The following TGFBR3 variants were observed in gnomAD, a reference collection of about 807,000 sequenced individuals.
The protein encoded by TGFBR3 is transforming growth factor beta receptor 3.
A neutral mutation model predicts 87.9 loss-of-function variants in TGFBR3; 46 were observed. That is an observed-to-expected ratio of 0.52 (90% CI 0.41 to 0.67). The LOEUF is 0.67. Among genes scored for constraint, TGFBR3 ranks in the 30% least tolerant of loss-of-function variants. The pLI is 0.00. For missense variants in TGFBR3, 866 were observed against 1,041.9 expected, an observed-to-expected ratio of 0.83 and a Z score of 2.32; for synonymous variants, 381 against 391.6, an observed-to-expected ratio of 0.97 and a Z score of 0.32.
At chr1:91,707,539 C>G (rs1671835495) in intron 14 of TGFBR3, among the ~76,000 whole-genome samples, 1 of 152,222 alleles carries the variant, frequency 6.6e-6, no homozygotes. Flanking sequence ...AACCCTAGAT[C>G]TGGTGTCAGC....
intron 2 of TGFBR3, among the ~76,000 whole-genome samples, chr1:91,816,507 T>C (rs898795462): frequency 7.9e-5 from 12 of 152,240 alleles, no homozygotes; most frequent in African/African-American, 4.8e-5. Flanking sequence ...TTTGTATCTA[T>C]GGTACACAGC....
chr1:91,808,115 A>C lies in TGFBR3; in HGVS notation c.62-10644T>G, dbSNP rs200284327. Among the ~76,000 whole-genome samples, 12 of 152,270 alleles carry C rather than the reference A, an allele frequency of 7.9e-5. No homozygotes were observed. In the East Asian group the frequency reaches 2.3e-3, roughly 29 times the overall value. On this transcript the variant is annotated intron_variant, in intron 2 of 16. Coordinates refer to ENST00000212355, the MANE Select transcript of TGFBR3 (RefSeq NM_003243.5). ...CCCAGAAATTATTTCTATGAATTGC[A>C]CTGGAAAGACTTAAAATAAAACTAC...
chr1:91,704,109 T>C (rs906518158), intron 14 of TGFBR3, among the ~76,000 whole-genome samples: 5 of 151,922 alleles, frequency 3.3e-5, no homozygotes, highest in Non-Finnish European at 4.4e-5. Flanking sequence ...GGATGGATCA[T>C]CTCAGGTCAG....
Position 91,683,715 on chromosome 1 carries a change from TG to T in TGFBR3, c.*23del. 1 of 1,488,640 alleles carries T rather than the reference TG, an allele frequency of 6.7e-7. No homozygotes were observed. Among genetic ancestry groups the T allele is most frequent in the Non-Finnish European group, 9.0e-7 (1 of 1,114,768 alleles). 92.2% of individuals were successfully genotyped at this position (1,488,640 alleles called of 1,614,324 possible). On this transcript the variant is annotated 3_prime_UTR_variant, in exon 17 of 17. Coordinates refer to ENST00000212355, the MANE Select transcript of TGFBR3 (RefSeq NM_003243.5). ...TGAGCTGAGCTGGGCTGGGCTGGGT[TG>T]GGCCGGGTTGGGCTGGGTTGGGCTA...
At chr1:91,689,362 G>A (rs528704836) in intron 16 of TGFBR3, among the ~76,000 whole-genome samples, 4 of 152,144 alleles carry the variant, frequency 2.6e-5, no homozygotes, top group African/African-American at 9.7e-5. Context: ...TAATCAGTCT[G>A]TTTGGTTATT....
intron 16 of TGFBR3, among the ~76,000 whole-genome samples, chr1:91,686,297 G>A (rs1430706491): frequency 6.6e-6 from 1 of 152,068 alleles, no homozygotes. Context: ...TCAACTTCCC[G>A]AGTTTTGGGA....
At chr1:91,821,127 C>T (rs1045427630) in intron 2 of TGFBR3, among the ~76,000 whole-genome samples, 1 of 151,972 alleles carries the variant, frequency 6.6e-6, no homozygotes, top group Admixed American at 6.5e-5. Context: ...GTCAGGGGTT[C>T]GAGAGCAACC....
At chr1:91,799,418 A>C (rs1344561055) in intron 2 of TGFBR3, among the ~76,000 whole-genome samples, 1 of 152,198 alleles carries the variant, frequency 6.6e-6, no homozygotes, top group Non-Finnish European at 1.5e-5. Context: ...CGGGGAAACC[A>C]TATGGGCAGG....
chr1:91,894,010 A>T (rs1570344735), intron 2 of TGFBR3, among the ~76,000 whole-genome samples: 1 of 150,942 alleles, frequency 6.6e-6, no homozygotes, highest in Non-Finnish European at 1.5e-5. Flanking sequence ...TGGGTGGATC[A>T]CTCTACAGGA....
intron 12 of TGFBR3, among the ~76,000 whole-genome samples, chr1:91,715,537 T>C (rs923879149): frequency 3.9e-5 from 6 of 152,266 alleles, no homozygotes; most frequent in Non-Finnish European, 7.3e-5. Context: ...CAACTCTGTT[T>C]GGCACATAAT....
intron 2 of TGFBR3, among the ~76,000 whole-genome samples, chr1:91,800,417 G>A (rs1675575445): frequency 1.3e-5 from 2 of 151,002 alleles, no homozygotes; most frequent in South Asian, 4.2e-4. Flanking sequence ...GCAAAGGTGG[G>A]AGAATCACCT....
intron 4 of TGFBR3, among the ~76,000 whole-genome samples, chr1:91,756,449 T>C (rs1043262681): frequency 5.9e-5 from 9 of 152,140 alleles, no homozygotes; most frequent in African/African-American, 2.2e-4. Context: ...TAACTAGCCA[T>C]GTGATTTGGC....
At chr1:91,736,928 C>T (rs192175343) in intron 4 of TGFBR3, among the ~76,000 whole-genome samples, 4 of 152,272 alleles carry the variant, frequency 2.6e-5, no homozygotes, top group African/African-American at 7.2e-5. Context: ...GAGCGGAAAG[C>T]GGGATGTCAC....
chr1:91,869,165 G>C (rs1678491030), intron 1 of TGFBR3, among the ~76,000 whole-genome samples: 1 of 152,108 alleles, frequency 6.6e-6, no homozygotes, highest in South Asian at 2.1e-4. Flanking sequence ...GATTCCCTTG[G>C]ACCAAGTTAA....
chr1:91,803,602 G>C (rs1571527165), intron 2 of TGFBR3, among the ~76,000 whole-genome samples: 1 of 151,546 alleles, frequency 6.6e-6, no homozygotes, highest in African/African-American at 2.4e-5. Context: ...ATGTTATTTT[G>C]GGTTTTCTGA....
chr1:91,847,498 G>A (rs755358689), intron 2 of TGFBR3, among the ~76,000 whole-genome samples: 16 of 151,574 alleles, frequency 1.1e-4, no homozygotes, highest in Non-Finnish European at 2.1e-4. Flanking sequence ...AGCTACTCGG[G>A]AGGCTGAGGC....
intron 2 of TGFBR3, among the ~76,000 whole-genome samples, chr1:91,821,267 T>C (rs759053410): frequency 1.4e-5 from 2 of 143,504 alleles, no homozygotes; most frequent in African/African-American, 5.2e-5. Flanking sequence ...GAGACAGAAG[T>C]TGGAGTGAGC....
chr1:91,834,629 T>C (rs1676991563), intron 2 of TGFBR3, among the ~76,000 whole-genome samples: 1 of 152,248 alleles, frequency 6.6e-6, no homozygotes, highest in Non-Finnish European at 1.5e-5. Context: ...TTCCATTCTA[T>C]GCAGGAGGAG....
At chr1:91,700,496 G>A (rs1318966111) in intron 14 of TGFBR3, among the ~76,000 whole-genome samples, 1 of 152,190 alleles carries the variant, frequency 6.6e-6, no homozygotes, top group Non-Finnish European at 1.5e-5. Flanking sequence ...TCTGGCTCTA[G>A]GGGAAGGAAT....
Sources: gnomAD v4.1 joint callset for allele counts (sites outside exome capture counted in the v4.1 genomes callset) on GRCh38, gnomAD v4.1.1 for gene constraint, MANE v1.5 for transcripts, NCBI Gene and HGNC (gene_info 2026-07-23, HGNC 2026-07-21) for gene names.